SV2B: variants seen among roughly 807,000 people sequenced by gnomAD.
The protein encoded by SV2B is solute carrier family 22 member B2.
Under a neutral mutation model 73.9 loss-of-function variants are expected in SV2B, and 41 were observed. That is an observed-to-expected ratio of 0.56 (90% CI 0.43 to 0.72). The LOEUF (loss-of-function observed/expected upper bound fraction) is 0.72, where lower values mean the gene tolerates loss of function less well. Among genes scored for constraint, SV2B ranks in the 30% least tolerant of loss-of-function variants. SV2B has a pLI of 0.00. For synonymous variants in SV2B, 314 were observed against 314.2 expected, an observed-to-expected ratio of 1.00 and a Z score of 0.01; for missense variants, 764 against 857.8, an observed-to-expected ratio of 0.89 and a Z score of 1.37.
intron 1 of SV2B, among the ~76,000 whole-genome samples, chr15:91,187,026 A>G (rs542983223): frequency 5.7e-4 from 87 of 152,362 alleles, no homozygotes; most frequent in African/African-American, 1.8e-3. Flanking sequence ...GAGACGATTG[A>G]ACATGCTCCA....
chr15:91,257,199 T>C (rs1203451414), intron 4 of SV2B, among the ~76,000 whole-genome samples: 1 of 152,244 alleles, frequency 6.6e-6, no homozygotes, highest in Admixed American at 6.5e-5. Context: ...GTCATGGAGC[T>C]ATTTCTAAAA....
chr15:91,275,380 G>A (rs1343078123), intron 9 of SV2B, among the ~76,000 whole-genome samples: 1 of 152,108 alleles, frequency 6.6e-6, no homozygotes, highest in African/African-American at 2.4e-5. Flanking sequence ...CACTTTTAGT[G>A]TAAGAGCCTT....
At chr15:91,103,491 A>C (rs1484467898) in intron 1 of SV2B, among the ~76,000 whole-genome samples, 2 of 152,244 alleles carry the variant, frequency 1.3e-5, no homozygotes, top group African/African-American at 4.8e-5. Flanking sequence ...CCTTCAGTGT[A>C]CCATGAAATG....
At chr15:91,198,305 C>T (rs1488969976) in intron 1 of SV2B, among the ~76,000 whole-genome samples, 1 of 152,138 alleles carries the variant, frequency 6.6e-6, no homozygotes, top group Non-Finnish European at 1.5e-5. Flanking sequence ...TGAAATATTT[C>T]TCAATATACT....
chr15:91,215,914 T>G (rs1484276396), intron 1 of SV2B, among the ~76,000 whole-genome samples: 2 of 152,230 alleles, frequency 1.3e-5, no homozygotes, highest in Non-Finnish European at 2.9e-5. Flanking sequence ...CTGATGTTAC[T>G]TTGAAGTATT....
intron 9 of SV2B, among the ~76,000 whole-genome samples, chr15:91,276,124 A>T (rs897334086): frequency 6.6e-6 from 1 of 150,382 alleles, no homozygotes; most frequent in Non-Finnish European, 1.5e-5. Flanking sequence ...TTTGGCTTGC[A>T]TACTTTCTGA....
chr15:91,117,003 A>G (rs1248652250), intron 1 of SV2B, among the ~76,000 whole-genome samples: 1 of 152,194 alleles, frequency 6.6e-6, no homozygotes, highest in African/African-American at 2.4e-5. Flanking sequence ...AGTCCTTCCC[A>G]TGACATGTGG....
intron 1 of SV2B, among the ~76,000 whole-genome samples, chr15:91,166,630 A>G (rs1233743696): frequency 2.0e-5 from 3 of 151,996 alleles, no homozygotes; most frequent in African/African-American, 7.2e-5. Flanking sequence ...CCGAATCTGT[A>G]TGACTTTTTT....
At chr15:91,145,960 T>C (rs141234150) in intron 1 of SV2B, among the ~76,000 whole-genome samples, 96 of 152,336 alleles carry the variant, frequency 6.3e-4, no homozygotes, top group African/African-American at 2.3e-3. Flanking sequence ...ATAGTTTCCT[T>C]TGCTGTGCAG....
chr15:91,266,656 G>A lies in SV2B; in HGVS notation c.1083G>A (p.Gln361=), dbSNP rs1365255744. The A allele has an allele frequency of 6.2e-7, 1 of 1,614,154 alleles. No homozygotes were observed. The highest frequency in any genetic ancestry group is 1.1e-5 in the South Asian group (1 of 91,068). The change falls in exon 7 of 13, where the codon CAG becomes CAA. Residue 361 remains glutamine (Q), a synonymous_variant. Coordinates refer to ENST00000394232, the MANE Select transcript of SV2B (RefSeq NM_001323032.3). ...EIQSSTGTWY[Q]RWLVRFKTIF... ...AAAGTTCAACAGGAACCTGGTACCA[G>A]CGCTGGCTGGTCAGATTCAAGACCA...
chr15:91,185,830 C>G (rs2044748737), intron 1 of SV2B, among the ~76,000 whole-genome samples: 1 of 152,200 alleles, frequency 6.6e-6, no homozygotes, highest in African/African-American at 2.4e-5. Flanking sequence ...CAGTAACTTG[C>G]TCAAGGTCAT....
chr15:91,232,641 AT>A lies in SV2B; in HGVS notation c.451+5929del, dbSNP rs1443572614. 6.6e-6 allele frequency among the ~76,000 whole-genome samples: 1 copy of A among 152,174 alleles called. No individual in the cohort carries two copies. On this transcript the variant is annotated intron_variant, in intron 2 of 12. Coordinates refer to ENST00000394232, the MANE Select transcript of SV2B (RefSeq NM_001323032.3). This position sits in a 1 kb window ranked among gnomAD's most constrained non-coding sequence, Gnocchi z 4.7. ...TTTCTGGAATTGGCTTTCTAATCTG[AT>A]TAGATTTAAAGAGTTTATTGTTTGA...
chr15:91,161,590 CACA>C (rs1165268778), intron 1 of SV2B, among the ~76,000 whole-genome samples: 1 of 152,160 alleles, frequency 6.6e-6, no homozygotes, highest in Non-Finnish European at 1.5e-5. Context: ...ATTTATTTCT[CACA>C]ACAACACTGG....
chr15:91,252,588 C>T lies in SV2B; in HGVS notation c.784+68C>T. The T allele has an allele frequency of 6.7e-7, 1 of 1,483,422 alleles. No individual in the cohort carries two copies. 91.9% of individuals were successfully genotyped at this position (1,483,422 alleles called of 1,614,324 possible). A position where few individuals can be genotyped will look rare whatever the true frequency, so the allele number is the denominator to read the frequency against. ...GGCTCCTGCACCCAAACAATAGTTC[C>T]TGTCCTCAGCCTTATTCCATGTACT... On this transcript the variant is annotated intron_variant, in intron 4 of 12. Coordinates refer to ENST00000394232, the MANE Select transcript of SV2B (RefSeq NM_001323032.3). The surrounding 1 kb of genome is among the most constrained non-coding windows in gnomAD (Gnocchi z 4.6).
rs1008600952 is a variant in SV2B, at chr15:91,232,970, C to A, written c.451+6256C>A. On this transcript the variant is annotated intron_variant, in intron 2 of 12. Transcript: ENST00000394232. The surrounding 1 kb of genome is among the most constrained non-coding windows in gnomAD (Gnocchi z 4.7). ...AGAACATGCAGTGTTTAGTTTTCTACTCCTGCATTAATTTGCTTAGAATTA... is the reference window on the plus strand; with the variant it reads ...AGAACATGCAGTGTTTAGTTTTCTAATCCTGCATTAATTTGCTTAGAATTA... Among the ~76,000 whole-genome samples the A allele has an allele frequency of 2.0e-5, 3 of 152,198 alleles. No homozygotes were observed. The highest frequency in any genetic ancestry group is 7.2e-5 in the African/African-American group (3 of 41,450).
Position 91,110,086 on chromosome 15 carries a change from G to A in SV2B, c.-392+9723G>A, listed in dbSNP as rs749103700. On this transcript the variant is annotated intron_variant, in intron 1 of 12. Transcript: ENST00000394232. The surrounding 1 kb of genome is among the most constrained non-coding windows in gnomAD (Gnocchi z 5.4). ...CGTCATTACTCACATTACAAATCAC[G>A]CTCACTCAGGAGTAATGATGGACAG... Among the ~76,000 whole-genome samples, 1 of 152,072 alleles carries A rather than the reference G, an allele frequency of 6.6e-6. No homozygotes were observed. Among genetic ancestry groups the A allele is most frequent in the Admixed American group, 6.6e-5 (1 of 15,264 alleles).
intron 2 of SV2B, among the ~76,000 whole-genome samples, 174 bp downstream of exon 2, chr15:91,226,888 T>C (rs2141490425): frequency 6.6e-6 from 1 of 152,266 alleles, no homozygotes; most frequent in Non-Finnish European, 1.5e-5. Flanking sequence ...AGCTAATAAG[T>C]ATTGGAGCTT....
rs1394769787 is a variant in SV2B, at chr15:91,136,802, A to G, written c.-392+36439A>G. On this transcript the variant is annotated intron_variant, in intron 1 of 12. Coordinates refer to ENST00000394232, the MANE Select transcript of SV2B (RefSeq NM_001323032.3). This position sits in a 1 kb window ranked among gnomAD's most constrained non-coding sequence, Gnocchi z 5.6. ...TGCCAAGAGGCATCTGAAGGCTGGC[A>G]CATGGGATCCAGAGGTGGGTGGCAG... Among the ~76,000 whole-genome samples, 1 of 152,150 alleles carries G rather than the reference A, an allele frequency of 6.6e-6. No homozygotes were observed. Among genetic ancestry groups the G allele is most frequent in the Non-Finnish European group, 1.5e-5 (1 of 68,022 alleles).
Position 91,226,325 on chromosome 15 carries a change from G to A in SV2B, c.62G>A (p.Arg21His), listed in dbSNP as rs753020617. The A allele has an allele frequency of 5.1e-5, 82 of 1,614,132 alleles. No homozygotes were observed. The South Asian group carries it at 5.7e-4, about 11-fold the overall frequency. The change falls in exon 2 of 13, where the codon CGC becomes CAC. Residue 21 changes from arginine (R) to histidine (H), a missense_variant. Physicochemically the swap from Arg to His is conservative, Grantham distance 29 (BLOSUM62 0). Coordinates refer to ENST00000394232, the MANE Select transcript of SV2B (RefSeq NM_001323032.3). ...TATGCTCCCAGTGATGGCTATTACC[G>A]CGGCAATGAGTCCAACCCAGAAGAA... ...GGYAPSDGYY[R>H]GNESNPEEDA...
Sources: gnomAD v4.1 joint callset for allele counts (sites outside exome capture counted in the v4.1 genomes callset) on GRCh38, gnomAD v4.1.1 for gene constraint, Gnocchi (gnomAD v3.1) non-coding constraint, MANE v1.5 for transcripts, NCBI Gene and HGNC (gene_info 2026-07-23, HGNC 2026-07-21) for gene names.